USP10: variants seen among roughly 807,000 people sequenced by gnomAD.
The protein encoded by USP10 is ubiquitin specific peptidase 10.
A neutral mutation model predicts 84.5 loss-of-function variants in USP10; 22 were observed. The ratio of observed to expected loss-of-function variants is 0.26; its 90% CI spans 0.19 to 0.37. The LOEUF (loss-of-function observed/expected upper bound fraction) is 0.37, where lower values mean the gene tolerates loss of function less well. USP10 is among the 10% of genes least tolerant of loss of function. The probability of loss-of-function intolerance (pLI) is 1.00; values close to 1 mark genes in which losing one functional copy is unlikely to be tolerated. For synonymous variants in USP10, 454 were observed against 387.6 expected (o/e 1.17, Z -2.01); for missense variants, 1,019 against 998.9 (o/e 1.02, Z -0.27).
At chr16:84,742,026 G>C (rs915152402) in intron 3 of USP10, among the ~76,000 whole-genome samples, 2 of 152,110 alleles carry the variant, frequency 1.3e-5, no homozygotes, top group African/African-American at 4.8e-5. Flanking sequence ...GCACCTCATC[G>C]TGGCTTCCCT....
chr16:84,707,712 T>A (rs1404893768), intron 1 of USP10, among the ~76,000 whole-genome samples: 1 of 152,190 alleles, frequency 6.6e-6, no homozygotes, highest in African/African-American at 2.4e-5. Context: ...CAGGATCCAG[T>A]GTGCAGGGGA....
At chr16:84,767,055 C>T (rs948097127) in intron 10 of USP10, among the ~76,000 whole-genome samples, 1 of 152,164 alleles carries the variant, frequency 6.6e-6, no homozygotes, top group African/African-American at 2.4e-5. Context: ...CTGTATCCCT[C>T]TCCAGAACCA....
At chr16:84,734,927 G>A (rs1050364988) in intron 2 of USP10, among the ~76,000 whole-genome samples, 6 of 152,212 alleles carry the variant, frequency 3.9e-5, no homozygotes, top group African/African-American at 1.4e-4. Flanking sequence ...GCCCCGTTGG[G>A]CAGTGCATCT....
At chr16:84,759,558 A>G in intron 6 of USP10, 86 bp downstream of exon 6, 2 of 1,257,974 alleles carry the variant, frequency 1.6e-6, no homozygotes, top group Non-Finnish European at 1.2e-6. Flanking sequence ...AAAGCTCTTG[A>G]TTTCCTGCAA....
chr16:84,728,087 C>A (rs1348608752), intron 1 of USP10, among the ~76,000 whole-genome samples: 1 of 152,122 alleles, frequency 6.6e-6, no homozygotes, highest in Non-Finnish European at 1.5e-5. Context: ...TGATAACATT[C>A]CTCATTTTAC....
chr16:84,708,596 A>T (rs1253615298), intron 1 of USP10, among the ~76,000 whole-genome samples: 3 of 152,200 alleles, frequency 2.0e-5, no homozygotes, highest in Admixed American at 2.0e-4. Flanking sequence ...TGGGTAATTC[A>T]CCTGAATTTT....
At chr16:84,765,206 A>G (rs1429218709) in intron 10 of USP10, among the ~76,000 whole-genome samples, 6 of 151,730 alleles carry the variant, frequency 4.0e-5, no homozygotes, top group Middle Eastern at 6.8e-3. Context: ...AGATAGTAAA[A>G]TAGTTGCTAC....
intron 3 of USP10, among the ~76,000 whole-genome samples, chr16:84,743,030 C>T (rs528136864): frequency 3.9e-4 from 60 of 152,278 alleles, no homozygotes; most frequent in African/African-American, 1.1e-3. Context: ...TGGAGCCTTC[C>T]GCCCCAGGCA....
intron 4 of USP10, among the ~76,000 whole-genome samples, chr16:84,752,428 A>G (rs74032687): frequency 2.5e-4 from 38 of 152,354 alleles, no homozygotes; most frequent in African/African-American, 9.1e-4. Flanking sequence ...TCAAGTTTCA[A>G]CCTAGAAGTT....
intron 2 of USP10, among the ~76,000 whole-genome samples, chr16:84,737,498 T>C (rs1189132754): frequency 2.0e-5 from 3 of 152,240 alleles, no homozygotes; most frequent in African/African-American, 7.2e-5. Flanking sequence ...TGAAAGGTGC[T>C]GTGTGCCTGT....
chr16:84,775,310 C>T lies in USP10; in HGVS notation c.2209+85C>T, dbSNP rs556904529. 5.2e-6 allele frequency: 7 copies of T among 1,353,944 alleles called. No individual in the cohort carries two copies. The African/African-American group carries it at 7.1e-5, about 14-fold the overall frequency. The allele number at this position is 1,353,944 out of a possible 1,614,324, so 83.9% of individuals were successfully genotyped here. The stretch of plus-strand genomic sequence containing the variant: ...TGGGCACAGGTTTGCTGCAACTTAG[C>T]ATAGCGACCAGATGCTGTACTCAGG... On this transcript the variant is annotated intron_variant, in intron 13 of 13. Transcript: ENST00000219473.
intron 4 of USP10, among the ~76,000 whole-genome samples, chr16:84,746,331 A>G (rs931942201): frequency 1.3e-5 from 2 of 152,258 alleles, no homozygotes; most frequent in Admixed American, 1.3e-4. Flanking sequence ...TGAAAGAGGT[A>G]TGTGTCCTCA....
intron 2 of USP10, among the ~76,000 whole-genome samples, 179 bp from the exon 3 acceptor site, chr16:84,740,130 T>G (rs774199703): frequency 3.7e-4 from 57 of 152,268 alleles, no homozygotes; most frequent in Non-Finnish European, 5.1e-4. Flanking sequence ...TGTGTTTTTT[T>G]CGTTAAATGA....
At chr16:84,746,623 G>T (rs1002985988) in intron 4 of USP10, among the ~76,000 whole-genome samples, 1 of 152,196 alleles carries the variant, frequency 6.6e-6, no homozygotes, top group African/African-American at 2.4e-5. Context: ...AGCACTCACC[G>T]TGAATGGAGC....
At chr16:84,776,991 T>G (rs1487040929) in intron 13 of USP10, among the ~76,000 whole-genome samples, 2 of 152,260 alleles carry the variant, frequency 1.3e-5, no homozygotes, top group African/African-American at 4.8e-5. Flanking sequence ...TTTTGTATTT[T>G]GAATAGAGAC....
intron 2 of USP10, among the ~76,000 whole-genome samples, chr16:84,737,873 T>TTCCAGCCTC (rs1910133288): frequency 6.6e-6 from 1 of 152,202 alleles, no homozygotes; most frequent in African/African-American, 2.4e-5. Flanking sequence ...GGTCCAGCCT[T>TTCCAGCCTC]TCCAGCCTCT....
intron 1 of USP10, chr16:84,709,289 T>G (rs528817351): frequency 6.6e-6 from 1 of 152,388 alleles, no homozygotes; most frequent in East Asian, 1.9e-4. Context: ...GTGACGTGTT[T>G]ACAGCATGAG....
Position 84,760,290 on chromosome 16 carries a change from T to G in USP10, c.1554+15T>G. 1 of 1,581,868 alleles carries G rather than the reference T, an allele frequency of 6.3e-7. No individual in the cohort carries two copies. The highest frequency in any genetic ancestry group is 8.6e-7 in the Non-Finnish European group (1 of 1,160,744). ...TGTCTGAAAAGGTTTGAGACTTCTC[T>G]GTTGTCACTAGTATCAAGTGTTGCC... On this transcript the variant is annotated intron_variant, in intron 8 of 13. Coordinates refer to ENST00000219473, the MANE Select transcript of USP10 (RefSeq NM_005153.3).
In USP10 at chr16:84,764,939, A is replaced by AATATAT. The variant is rs1555548056; in HGVS notation, c.1832+687_1832+692dup. On this transcript the variant is annotated intron_variant, in intron 10 of 13. Coordinates refer to ENST00000219473, the MANE Select transcript of USP10 (RefSeq NM_005153.3). ...TAACCACGAGAGAGAGAGAAAAAAA[A>AATATAT]ATATATATATATATATTAGACTTCA... Among the ~76,000 whole-genome samples, 262 of 132,258 alleles carry AATATAT rather than the reference A, an allele frequency of 2.0e-3. 3 individuals carry two copies. Among genetic ancestry groups the AATATAT allele is most frequent in the African/African-American group, 7.0e-3 (250 of 35,590 alleles). 86.8% of individuals were successfully genotyped at this position (132,258 alleles called of 152,430 possible).
Sources: allele counts gnomAD v4.1 joint callset (sites outside exome capture counted in the v4.1 genomes callset), GRCh38; gene constraint gnomAD v4.1.1; transcripts MANE v1.5; gene names NCBI Gene and HGNC (gene_info 2026-07-23, HGNC 2026-07-21).